Variants in DPP3 observed in about 807,000 individuals in gnomAD.
DPP3 encodes DPP III.
Under a neutral mutation model 89.8 loss-of-function variants are expected in DPP3, and 64 were observed. The ratio of observed to expected loss-of-function variants is 0.71; its 90% confidence interval spans 0.58 to 0.88. The LOEUF (loss-of-function observed/expected upper bound fraction) is 0.88, where lower values mean the gene tolerates loss of function less well. Ranked by LOEUF, DPP3 falls within the 40% of genes least tolerant of loss-of-function variation. DPP3 has a pLI of 0.00. For synonymous variants in DPP3, 377 were observed against 404.3 expected, an observed-to-expected ratio of 0.93 and a Z score of 0.81; for missense variants, 835 against 972.5, an observed-to-expected ratio of 0.86 and a Z score of 1.88.
At chr11:66,486,425 A>G in intron 3 of DPP3, 115 bp from the exon 4 acceptor site, 1 of 1,312,850 alleles carries the variant, frequency 7.6e-7, no homozygotes, top group Non-Finnish European at 9.9e-7. Flanking sequence ...TCCATGGACC[A>G]CACAATGAGC....
Position 66,485,184 on chromosome 11 carries a change from C to T in DPP3, c.282C>T (p.Val94=), listed in dbSNP as rs200985434. 16 of 1,614,078 alleles carry T rather than the reference C, an allele frequency of 9.9e-6. No individual in the cohort carries two copies. Among genetic ancestry groups the T allele is most frequent in the Non-Finnish European group, 1.2e-5 (14 of 1,180,046 alleles). ...TGCCTCCCCCTCAGGCGTTCCTGGT[C>T]TATGCCGCGGGTGTTTACTCCAACA... ...LTEEEYQAFL[V]YAAGVYSNMG... Residue 94 remains valine, a synonymous_variant, in exon 3 of 18, where the codon GTC becomes GTT. Coordinates refer to ENST00000531863, the MANE Select transcript of DPP3 (RefSeq NM_130443.4).
intron 5 of DPP3, 134 bp from the exon 6 acceptor site, chr11:66,487,780 G>T: frequency 1.4e-6 from 1 of 738,848 alleles, no homozygotes. Context: ...TCCCACTCCT[G>T]CTCCCAGCCA....
In DPP3 at chr11:66,487,902, G is replaced by A; in HGVS notation, c.574-12G>A. On this transcript the variant is annotated splice_polypyrimidine_tract_variant and intron_variant, in intron 5 of 17. Coordinates refer to ENST00000531863, the MANE Select transcript of DPP3 (RefSeq NM_130443.4). The stretch of plus-strand genomic sequence containing the variant: ...AGACTTCACTCTTAACCCCTGTCCT[G>A]GTCTCTTCTAGAACCTCAGTGCCTA... The A allele has an allele frequency of 6.2e-7, 1 of 1,613,096 alleles. No homozygotes were observed. Among genetic ancestry groups the A allele is most frequent in the Non-Finnish European group, 8.5e-7 (1 of 1,179,364 alleles).
intron 15 of DPP3, among the ~76,000 whole-genome samples, chr11:66,496,778 A>G (rs993001361): frequency 2.0e-5 from 3 of 152,176 alleles, no homozygotes; most frequent in Admixed American, 2.0e-4. Context: ...GACGTCATTC[A>G]GGGTCCAGAA....
In DPP3 at chr11:66,493,135, G is replaced by A. The variant is rs369300185; in HGVS notation, c.1252G>A (p.Ala418Thr). 4.3e-6 allele frequency: 7 copies of A among 1,614,012 alleles called. No individual in the cohort carries two copies. The highest frequency in any genetic ancestry group is 2.2e-5 in the South Asian group (2 of 91,090). Residue 418 changes from alanine to threonine, a missense_variant, in exon 11 of 18, where the codon GCC (alanine) becomes ACC (threonine). Transcript: ENST00000531863. Reference sequence around the variant, plus strand: ...GGGGAATGTGCTGGCTGTGGCCTACGCCACGCAGCGGGAGAAGCTTACCTT... The same window carrying A: ...GGGGAATGTGCTGGCTGTGGCCTACACCACGCAGCGGGAGAAGCTTACCTT... ...SLGNVLAVAY[A>T]TQREKLTFLE...
chr11:66,483,045 T>C (rs140191815), intron 2 of DPP3: 2 of 142,560 alleles, frequency 1.4e-5, no homozygotes, highest in South Asian at 2.1e-4. Flanking sequence ...TTTTTTTTTG[T>C]GACAGAGTCT....
chr11:66,495,849 G>A, intron 15 of DPP3, 99 bp downstream of exon 15: 1 of 1,517,018 alleles, frequency 6.6e-7, no homozygotes. Context: ...TAAGGCAGAT[G>A]AACTGGGTTT....
chr11:66,488,970 A>G (rs1855307164), intron 6 of DPP3, among the ~76,000 whole-genome samples: 1 of 152,102 alleles, frequency 6.6e-6, no homozygotes, highest in African/African-American at 2.4e-5. Context: ...GGTTCAAGCA[A>G]TTCTCCTGCC....
At position 66,506,820 on chromosome 11, in the gene DPP3, G is replaced by A. The variant is rs149486394; in HGVS notation, c.2041+2046G>A. Among the ~76,000 whole-genome samples the A allele has an allele frequency of 8.9e-3, 1,359 of 152,004 alleles. 19 individuals are homozygous for A. The highest frequency in any genetic ancestry group is 0.031 in the African/African-American group (1,278 of 41,458). The stretch of plus-strand genomic sequence containing the variant: ...TTTGTCCTTCCGCTCCTTGTAAAAC[G>A]GCACCCTGTGAGAGAGGTTGTCTCT... On this transcript the variant is annotated intron_variant, in intron 17 of 17. Transcript: ENST00000531863.
chr11:66,508,977 A>C, intron 17 of DPP3, 102 bp from the exon 18 acceptor site: 2 of 1,468,460 alleles, frequency 1.4e-6, no homozygotes, highest in Non-Finnish European at 1.8e-6. Flanking sequence ...GAGCTCAGTA[A>C]GAAACAGCTG....
chr11:66,507,490 C>A (rs893472898), intron 17 of DPP3, among the ~76,000 whole-genome samples: 10 of 151,430 alleles, frequency 6.6e-5, no homozygotes, highest in South Asian at 2.1e-4. Flanking sequence ...TAATAATAAT[C>A]ATCATCATAA....
intron 6 of DPP3, among the ~76,000 whole-genome samples, chr11:66,488,711 C>A (rs1470112344): frequency 2.0e-5 from 3 of 152,070 alleles, no homozygotes; most frequent in Non-Finnish European, 4.4e-5. Context: ...AGTGTCCAGG[C>A]CTTTATGAAG....
At position 66,501,295 on chromosome 11, in the gene DPP3, G is replaced by T. The variant is rs1247917459; in HGVS notation, c.1879-3317G>T. ...GAATCACTTGAACCCGGGAGGTGGGGATTGCAGTGAGCCATGATCGTGCTG... is the reference window on the plus strand; with the variant it reads ...GAATCACTTGAACCCGGGAGGTGGGTATTGCAGTGAGCCATGATCGTGCTG... On this transcript the variant is annotated intron_variant, in intron 16 of 17. Transcript: ENST00000531863. 3.3e-5 allele frequency among the ~76,000 whole-genome samples: 5 copies of T among 152,066 alleles called. 1 individual carries two copies. Among genetic ancestry groups the T allele is most frequent in the Admixed American group, 6.6e-5 (1 of 15,248 alleles).
chr11:66,482,975 C>T (rs1247801955), intron 2 of DPP3: 1 of 159,488 alleles, frequency 6.3e-6, no homozygotes, highest in Non-Finnish European at 1.4e-5. Context: ...GTGCCCTCCT[C>T]AGAGGTAACC....
intron 15 of DPP3, among the ~76,000 whole-genome samples, chr11:66,496,501 A>G (rs1315521533): frequency 6.6e-6 from 1 of 150,784 alleles, no homozygotes; most frequent in African/African-American, 2.4e-5. Context: ...TGCAAACTCC[A>G]TCTCCTGGGT....
At chr11:66,489,072 C>T (rs1435107551) in intron 6 of DPP3, among the ~76,000 whole-genome samples, 1 of 152,192 alleles carries the variant, frequency 6.6e-6, no homozygotes, top group Admixed American at 6.5e-5. Context: ...CGCCATTTGG[C>T]CAGGCTGGTC....
intron 12 of DPP3, among the ~76,000 whole-genome samples, chr11:66,494,645 T>C (rs1855484121): frequency 6.6e-6 from 1 of 151,982 alleles, no homozygotes; most frequent in South Asian, 2.1e-4. Flanking sequence ...TCCACGGAGG[T>C]TGTGTGCTCT....
rs764073497 is a variant in DPP3 at position 66,491,341 on chromosome 11, G to A, written c.756G>A (p.Ala252=). ...TCCAGGTGACCCGGGGGGACTACGCGCCCATCCTCCAGAAGGTGGTGGAGC... is the reference window on the plus strand; with the variant it reads ...TCCAGGTGACCCGGGGGGACTACGCACCCATCCTCCAGAAGGTGGTGGAGC... ...SPFQVTRGDY[A]PILQKVVEQL... is the part of the protein sequence containing the mutation. The change falls in exon 7 of 18, where the codon GCG becomes GCA. Residue 252 remains alanine (A), a synonymous_variant. Transcript: ENST00000531863. 32 of 1,613,888 alleles carry A rather than the reference G, an allele frequency of 2.0e-5. No homozygotes were observed. In the East Asian group the frequency reaches 2.5e-4, roughly 12 times the overall value.
At chr11:66,487,203 A>G (rs1215626230) in intron 4 of DPP3, 65 bp from the exon 5 acceptor site, 5 of 1,518,662 alleles carry the variant, frequency 3.3e-6, no homozygotes, top group Non-Finnish European at 4.6e-6. Context: ...GCCTGGGAAT[A>G]TGACGTCCCT....
Sources: gnomAD v4.1 joint callset for allele counts (sites outside exome capture counted in the v4.1 genomes callset) on GRCh38, gnomAD v4.1.1 for gene constraint, MANE v1.5 for transcripts, NCBI Gene and HGNC (gene_info 2026-07-23, HGNC 2026-07-21) for gene names.